Variants in PPFIA4 observed in about 807,000 individuals in gnomAD.
PPFIA4 encodes the protein liprin-alpha-4.
A neutral mutation model predicts 145.7 loss-of-function variants in PPFIA4; 98 were observed. The observed-to-expected ratio is 0.67, with a 90% CI of 0.57 to 0.80. The LOEUF (loss-of-function observed/expected upper bound fraction) is 0.80. PPFIA4 is among the 30% of genes least tolerant of loss of function. The pLI is 0.00. For missense variants in PPFIA4, 1,457 were observed against 1,632.7 expected (o/e 0.89, Z 1.85); for synonymous variants, 628 against 649.6 (o/e 0.97, Z 0.51).
At chr1:203,050,171 G>A (rs1364166273) in intron 13 of PPFIA4, among the ~76,000 whole-genome samples, 1 of 152,206 alleles carries the variant, frequency 6.6e-6, no homozygotes, top group Non-Finnish European at 1.5e-5. Context: ...CTGAGTTCAG[G>A]CAGCGGGCAG....
chr1:203,035,378 A>G, intron 1 of PPFIA4: 1 of 451,794 alleles, frequency 2.2e-6, no homozygotes, highest in Non-Finnish European at 4.5e-6. Context: ...ACAGACCCAA[A>G]TGCCCATCCC....
chr1:203,037,190 G>C (rs1032459649), intron 1 of PPFIA4: 1 of 377,756 alleles, frequency 2.6e-6, no homozygotes, highest in African/African-American at 2.1e-5. Flanking sequence ...AGTACTCTGG[G>C]GAGGGGGTCC....
At chr1:203,034,599 C>T in intron 1 of PPFIA4, 1 of 456,406 alleles carries the variant, frequency 2.2e-6, no homozygotes. Flanking sequence ...GGTGTGGAGC[C>T]AGCTAGGGGC....
At chr1:203,067,833 CT>C in intron 26 of PPFIA4, 41 bp downstream of exon 26, 1 of 1,559,854 alleles carries the variant, frequency 6.4e-7, no homozygotes, top group Non-Finnish European at 8.8e-7. Flanking sequence ...GAGCAGCCTG[CT>C]TGGCTGGTCC....
chr1:203,049,393 C>T (rs954607182), intron 12 of PPFIA4, among the ~76,000 whole-genome samples: 1 of 152,178 alleles, frequency 6.6e-6, no homozygotes, highest in Non-Finnish European at 1.5e-5. Flanking sequence ...TGCATCTGTG[C>T]AGTAGTGAGG....
At chr1:203,031,954 T>C (rs774104101) in intron 1 of PPFIA4, among the ~76,000 whole-genome samples, 1 of 151,940 alleles carries the variant, frequency 6.6e-6, no homozygotes, top group Non-Finnish European at 1.5e-5. Flanking sequence ...ACAGTTAGAG[T>C]GTGGAAAATG....
intron 9 of PPFIA4, among the ~76,000 whole-genome samples, chr1:203,046,766 TA>T (rs1660118097): frequency 6.6e-6 from 1 of 152,038 alleles, no homozygotes; most frequent in Non-Finnish European, 1.5e-5. Flanking sequence ...GGTGAAACCT[TA>T]GAAGAGAAAT....
At position 203,068,816 on chromosome 1, in the gene PPFIA4, G is replaced by T. The variant is rs758081259; in HGVS notation, c.3324+188G>T. Among the ~76,000 whole-genome samples, 6 of 152,126 alleles carry T rather than the reference G, an allele frequency of 3.9e-5. No individual in the cohort carries two copies. The highest frequency in any genetic ancestry group is 5.9e-5 in the Non-Finnish European group (4 of 68,004). On this transcript the variant is annotated intron_variant, in intron 27 of 29. Transcript: ENST00000295706. This position sits in a 1 kb window ranked among gnomAD's most constrained non-coding sequence, Gnocchi z 4.7. ...GCTGTGCATAAGCAAGCCCTCATGGGAACACATGGCCTTCACATACAGAGC... is the reference window on the plus strand; with the variant it reads ...GCTGTGCATAAGCAAGCCCTCATGGTAACACATGGCCTTCACATACAGAGC...
intron 1 of PPFIA4, among the ~76,000 whole-genome samples, chr1:203,029,863 T>C (rs1409241954): frequency 1.3e-5 from 2 of 152,254 alleles, no homozygotes; most frequent in African/African-American, 4.8e-5. Context: ...TTCTATATTA[T>C]GTAAATAGAT....
chr1:203,041,333 T>G (rs1203771904), intron 2 of PPFIA4, among the ~76,000 whole-genome samples: 1 of 152,180 alleles, frequency 6.6e-6, no homozygotes, highest in African/African-American at 2.4e-5. Context: ...GCCTCACTCC[T>G]GTAATCCCAG....
chr1:203,053,242 C>T (rs1233219486), intron 14 of PPFIA4, among the ~76,000 whole-genome samples: 1 of 152,138 alleles, frequency 6.6e-6, no homozygotes, highest in Non-Finnish European at 1.5e-5. Flanking sequence ...AACAAATCAC[C>T]CAGGGGTCAG....
At chr1:203,044,173 C>T in intron 4 of PPFIA4, 78 bp downstream of exon 4, 1 of 1,448,530 alleles carries the variant, frequency 6.9e-7, no homozygotes, top group Non-Finnish European at 9.2e-7. Context: ...CTGAGATTTC[C>T]ACATCCGGTA....
At chr1:203,063,263 G>A (rs1318899161) in intron 24 of PPFIA4, 1 of 154,184 alleles carries the variant, frequency 6.5e-6, no homozygotes, top group African/African-American at 2.4e-5. Flanking sequence ...GAGTGTTCTT[G>A]GAGCAGAGGC....
intron 2 of PPFIA4, among the ~76,000 whole-genome samples, chr1:203,040,246 G>A (rs956369305): frequency 2.0e-5 from 3 of 152,154 alleles, no homozygotes; most frequent in African/African-American, 7.2e-5. Context: ...TCTGCCCCTC[G>A]TATGAGCAGA....
At chr1:203,044,850 G>C in intron 6 of PPFIA4, 65 bp downstream of exon 6, 2 of 1,375,640 alleles carry the variant, frequency 1.5e-6, no homozygotes, top group Non-Finnish European at 2.0e-6. Context: ...TGGAGGCCCG[G>C]CTCTGCCTTA....
chr1:203,060,946 G>A lies in PPFIA4; in HGVS notation c.2785-24G>A. The A allele has an allele frequency of 1.2e-6, 2 of 1,613,308 alleles. No homozygotes were observed. Among genetic ancestry groups the A allele is most frequent in the Non-Finnish European group, 8.5e-7 (1 of 1,179,366 alleles). The stretch of plus-strand genomic sequence containing the variant: ...TCCTGGGGACCCACACCCAGGACCA[G>A]CTAGGTTTCCTCTCTGCCTGCAGTC... On this transcript the variant is annotated intron_variant, in intron 22 of 29. Coordinates refer to ENST00000295706, the MANE Select transcript of PPFIA4 (RefSeq NM_001304331.2). This position sits in a 1 kb window ranked among gnomAD's most constrained non-coding sequence, Gnocchi z 4.8.
chr1:203,048,250 TGAG>T lies in PPFIA4; in HGVS notation c.1168_1170del (p.Glu390del), dbSNP rs746038641. ...AGGCTGAAGAACGGCATGGCAACAT[TGAG>T]GAGCACCTGCGGCAGCTGGAGGGAC... is the stretch of plus-strand genomic sequence containing the variant. On this transcript the variant is annotated inframe_deletion, in exon 10 of 30. Transcript: ENST00000295706. This position sits in a 1 kb window ranked among gnomAD's most constrained non-coding sequence, Gnocchi z 5.8. The T allele has an allele frequency of 1.2e-6, 2 of 1,612,554 alleles. No homozygotes were observed. The highest frequency in any genetic ancestry group is 1.3e-5 in the African/African-American group (1 of 74,870).
intron 28 of PPFIA4, among the ~76,000 whole-genome samples, chr1:203,072,606 G>A (rs544549881): frequency 6.6e-6 from 1 of 152,274 alleles, no homozygotes; most frequent in South Asian, 2.1e-4. Context: ...TGCGCTAGTT[G>A]ATCTGGCTCC....
Position 203,053,932 on chromosome 1 carries a change from G to A in PPFIA4, c.1800G>A (p.Glu600=). 1 of 1,566,460 alleles carries A rather than the reference G, an allele frequency of 6.4e-7. No individual in the cohort carries two copies. Among genetic ancestry groups the A allele is most frequent in the Non-Finnish European group, 8.7e-7 (1 of 1,155,278 alleles). ...AGACCCTGGCCATGATGCTGCAGGA[G>A]CAGCTGGATGCCATCAATGAGGAAA... ...DAQTLAMMLQ[E]QLDAINEEIR... Residue 600 remains glutamate, a synonymous_variant, in exon 15 of 30, where the codon GAG becomes GAA. Coordinates refer to ENST00000295706, the MANE Select transcript of PPFIA4 (RefSeq NM_001304331.2).
Sources: gnomAD v4.1 joint callset for allele counts (sites outside exome capture counted in the v4.1 genomes callset) on GRCh38, gnomAD v4.1.1 for gene constraint, Gnocchi (gnomAD v3.1) non-coding constraint, MANE v1.5 for transcripts, NCBI Gene and HGNC (gene_info 2026-07-23, HGNC 2026-07-21) for gene names.